SMOC1: variants seen among roughly 807,000 people sequenced by gnomAD.
The protein encoded by SMOC1 is SPARC-related modular calcium-binding protein 1.
In SMOC1, 22 loss-of-function variants were observed where a neutral mutation model predicts 56.3. The observed-to-expected ratio is 0.39, with a 90% CI of 0.28 to 0.56. The LOEUF (loss-of-function observed/expected upper bound fraction) is 0.56. Ranked by LOEUF, SMOC1 falls within the 20% of genes least tolerant of loss-of-function variation. The pLI, the probability that SMOC1 is intolerant of heterozygous loss-of-function variation, is 0.61. For synonymous variants in SMOC1, 193 were observed against 215.0 expected (o/e 0.90, Z 0.89); for missense variants, 509 against 565.4 (o/e 0.90, Z 1.01).
chr14:69,986,911 A>C (rs1179067730), intron 5 of SMOC1, among the ~76,000 whole-genome samples: 4 of 152,174 alleles, frequency 2.6e-5, no homozygotes, highest in Non-Finnish European at 5.9e-5. Flanking sequence ...GCTCCTACAG[A>C]TCAGAATCAG....
At chr14:69,955,404 G>A (rs1276504238) in intron 3 of SMOC1, among the ~76,000 whole-genome samples, 2 of 152,040 alleles carry the variant, frequency 1.3e-5, no homozygotes, top group African/African-American at 4.8e-5. Context: ...TCTGAAAAGT[G>A]GAGATTGATT....
At chr14:69,957,685 C>A (rs10150210) in intron 3 of SMOC1, among the ~76,000 whole-genome samples, 57,380 of 152,018 alleles carry the variant, frequency 0.38, 11,161 homozygotes, top group African/African-American at 0.43. Flanking sequence ...AAAAAGTAGA[C>A]ATAATAGTAT....
At chr14:69,959,501 GA>G (rs1883297922) in intron 3 of SMOC1, among the ~76,000 whole-genome samples, 1 of 152,028 alleles carries the variant, frequency 6.6e-6, no homozygotes, top group African/African-American at 2.4e-5. Context: ...CTTCTGTGTG[GA>G]AAAAAATGTG....
chr14:69,926,909 T>C (rs753963869), intron 1 of SMOC1, among the ~76,000 whole-genome samples: 8 of 152,216 alleles, frequency 5.3e-5, no homozygotes, highest in Non-Finnish European at 8.8e-5. Flanking sequence ...CAGGATTGCT[T>C]ATAGGTTGCT....
intron 1 of SMOC1, among the ~76,000 whole-genome samples, chr14:69,911,248 G>GTA (rs936426991): frequency 1.3e-5 from 2 of 152,192 alleles, no homozygotes; most frequent in African/African-American, 4.8e-5. Context: ...GTGCCTGGGG[G>GTA]TAAAGGCTGG....
At chr14:69,896,665 G>A (rs1004764158) in intron 1 of SMOC1, among the ~76,000 whole-genome samples, 1 of 152,046 alleles carries the variant, frequency 6.6e-6, no homozygotes, top group Non-Finnish European at 1.5e-5. Flanking sequence ...CTCATTTTTT[G>A]TGTGCAATAA....
At chr14:69,971,413 A>C (rs2139490223) in intron 3 of SMOC1, among the ~76,000 whole-genome samples, 1 of 152,332 alleles carries the variant, frequency 6.6e-6, no homozygotes, top group East Asian at 1.9e-4. Context: ...TCCCTTAAGG[A>C]GGAGCCATCT....
At chr14:69,887,364 G>A (rs893091301) in intron 1 of SMOC1, among the ~76,000 whole-genome samples, 6 of 152,176 alleles carry the variant, frequency 3.9e-5, no homozygotes, top group African/African-American at 1.4e-4. Context: ...AGGGGGATAG[G>A]ATGGGTAAAA....
Position 69,879,790 on chromosome 14 carries a change from C to A in SMOC1, c.99+13C>A. 6.3e-7 allele frequency: 1 copy of A among 1,578,086 alleles called. No homozygotes were observed. On this transcript the variant is annotated intron_variant, in intron 1 of 11. Transcript: ENST00000361956. ...CACAGGCCCCAGGGTAAGTGCGCCCCCAGCTTTGCGCCCACCTGCGGAGGG... is the reference window on the plus strand; with the variant it reads ...CACAGGCCCCAGGGTAAGTGCGCCCACAGCTTTGCGCCCACCTGCGGAGGG...
chr14:69,970,053 GC>G (rs1172471455), intron 3 of SMOC1, among the ~76,000 whole-genome samples: 1 of 152,044 alleles, frequency 6.6e-6, no homozygotes, highest in African/African-American at 2.4e-5. Context: ...GGGAGGTGAG[GC>G]CTCACCCCTG....
intron 10 of SMOC1, among the ~76,000 whole-genome samples, chr14:70,015,423 G>C (rs529103996): frequency 6.6e-6 from 1 of 151,584 alleles, no homozygotes; most frequent in African/African-American, 2.4e-5. Context: ...TAGATCTCCT[G>C]TTTAATGTTC....
intron 7 of SMOC1, among the ~76,000 whole-genome samples, chr14:70,006,470 A>G (rs931212432): frequency 4.6e-5 from 7 of 152,214 alleles, no homozygotes; most frequent in African/African-American, 1.4e-4. Flanking sequence ...CATGACCCAT[A>G]ACCTCTAGAG....
At chr14:69,975,525 C>G (rs895880427) in intron 3 of SMOC1, among the ~76,000 whole-genome samples, 190 bp from the exon 4 acceptor site, 1 of 152,186 alleles carries the variant, frequency 6.6e-6, no homozygotes, top group African/African-American at 2.4e-5. Context: ...GGGAGTCCCA[C>G]AGCAACCATG....
intron 1 of SMOC1, among the ~76,000 whole-genome samples, chr14:69,893,373 A>G (rs1375309168): frequency 6.6e-6 from 1 of 152,162 alleles, no homozygotes; most frequent in Admixed American, 6.5e-5. Context: ...TGGTGTTGCC[A>G]TGGAGGGATA....
intron 1 of SMOC1, among the ~76,000 whole-genome samples, chr14:69,945,060 A>G (rs1206479772): frequency 1.3e-5 from 2 of 152,170 alleles, no homozygotes; most frequent in African/African-American, 4.8e-5. Context: ...TTTTCACAGT[A>G]AGTGACAGAA....
At chr14:69,982,731 CG>C (rs1884225487) in intron 5 of SMOC1, among the ~76,000 whole-genome samples, 2 of 152,200 alleles carry the variant, frequency 1.3e-5, no homozygotes, top group South Asian at 4.1e-4. Flanking sequence ...CTAGCAACCA[CG>C]GGGGTATGGG....
At chr14:69,927,907 T>A (rs1885052763) in intron 1 of SMOC1, among the ~76,000 whole-genome samples, 1 of 152,098 alleles carries the variant, frequency 6.6e-6, no homozygotes, top group African/African-American at 2.4e-5. Flanking sequence ...TTCCTTTGTG[T>A]CCTGTAACTT....
intron 5 of SMOC1, among the ~76,000 whole-genome samples, chr14:69,984,624 C>T (rs1267851753): frequency 2.0e-5 from 3 of 151,394 alleles, no homozygotes; most frequent in Non-Finnish European, 4.4e-5. Context: ...GGATGAACCA[C>T]TTGAGGCCAG....
intron 7 of SMOC1, among the ~76,000 whole-genome samples, chr14:70,005,450 C>CT (rs1402012084): frequency 1.3e-5 from 2 of 152,164 alleles, no homozygotes; most frequent in African/African-American, 2.4e-5. Context: ...GGTCCAACCT[C>CT]TTTTTTCCTC....
Sources: allele counts gnomAD v4.1 joint callset (sites outside exome capture counted in the v4.1 genomes callset), GRCh38; gene constraint gnomAD v4.1.1; transcripts MANE v1.5; gene names NCBI Gene and HGNC (gene_info 2026-07-23, HGNC 2026-07-21).